Variants in FGF14 observed in about 807,000 individuals in gnomAD.
FGF14 encodes the protein fibroblast growth factor 14, also known as fibroblast growth factor homologous factor 4.
A neutral mutation model predicts 25.5 loss-of-function variants in FGF14; 5 were observed. That is an observed-to-expected ratio of 0.20 (90% CI 0.10 to 0.41). The LOEUF is 0.41. FGF14 is among the 10% of genes least tolerant of loss of function. The pLI, the probability that FGF14 is intolerant of heterozygous loss-of-function variation, is 1.00. For synonymous variants in FGF14, 138 were observed against 118.3 expected (o/e 1.17, Z -1.08); for missense variants, 222 against 320.1 (o/e 0.69, Z 2.34).
chr13:101,738,909 A>G (rs1333281403), intron 3 of FGF14, among the ~76,000 whole-genome samples: 1 of 147,174 alleles, frequency 6.8e-6, no homozygotes, highest in African/African-American at 2.5e-5. Flanking sequence ...GTATATACCA[A>G]TTGGTATATA....
chr13:101,993,586 G>A (rs1285227954), intron 1 of FGF14, among the ~76,000 whole-genome samples: 3 of 152,010 alleles, frequency 2.0e-5, no homozygotes, highest in African/African-American at 7.2e-5. Context: ...GGAAATACTC[G>A]AAGGGGCTTG....
At chr13:101,724,442 T>TG (rs2035227590) in intron 4 of FGF14, among the ~76,000 whole-genome samples, 1 of 125,118 alleles carries the variant, frequency 8.0e-6, no homozygotes, top group African/African-American at 3.1e-5. Context: ...GGGCCTGTTG[T>TG]GGGGTGGGGG....
At chr13:101,786,620 C>T (rs1202235555) in intron 3 of FGF14, among the ~76,000 whole-genome samples, 1 of 152,000 alleles carries the variant, frequency 6.6e-6, no homozygotes, top group Admixed American at 6.6e-5. Flanking sequence ...TGTAAGGACA[C>T]CAATCAAATT....
intron 1 of FGF14, among the ~76,000 whole-genome samples, chr13:102,086,070 G>C (rs2043881623): frequency 6.6e-6 from 1 of 152,178 alleles, no homozygotes; most frequent in Non-Finnish European, 1.5e-5. Flanking sequence ...CCCATGTAGG[G>C]ATTAATTAAC....
At chr13:101,847,885 A>G (rs2140344220) in intron 3 of FGF14, among the ~76,000 whole-genome samples, 1 of 152,176 alleles carries the variant, frequency 6.6e-6, no homozygotes, top group East Asian at 1.9e-4. Flanking sequence ...CAGAGCATGT[A>G]AAGTACAAAC....
chr13:102,048,751 T>G (rs962834462), intron 1 of FGF14, among the ~76,000 whole-genome samples: 1 of 152,206 alleles, frequency 6.6e-6, no homozygotes. Flanking sequence ...TGGAAACTTA[T>G]AGTAGCCAGA....
intron 1 of FGF14, among the ~76,000 whole-genome samples, chr13:101,937,588 T>TTTTG (rs143232373): frequency 0.11 from 16,105 of 151,846 alleles, 947 homozygotes; most frequent in East Asian, 0.19. Flanking sequence ...CATTGCTGTT[T>TTTTG]TTTGTTTGTT....
chr13:102,271,592 T>C (rs1360985), intron 1 of FGF14, among the ~76,000 whole-genome samples: 120,122 of 152,118 alleles, frequency 0.79, 48,319 homozygotes, highest in African/African-American at 0.95. Context: ...TCTATTTAGG[T>C]TCACTGGAGT....
At position 102,275,262 on chromosome 13, in the gene FGF14, T is replaced by TTCTCTCTCTCTCTCTC. The variant is rs56028235; in HGVS notation, c.208+126193_208+126208dup. Among the ~76,000 whole-genome samples, 53 of 68,914 alleles carry TTCTCTCTCTCTCTCTC rather than the reference T, an allele frequency of 7.7e-4. 1 individual carries two copies. The highest frequency in any genetic ancestry group is 2.4e-3 in the African/African-American group (48 of 19,834). The allele number at this position is 68,914 out of a possible 152,430, so 45.2% of individuals were successfully genotyped here. The stretch of plus-strand genomic sequence containing the variant: ...TCTCTCTCTCTCTCTCTCTCTCTCT[T>TTCTCTCTCTCTCTCTC]TCTCTCTCTCTCTCTCTCTCTCTCT... On this transcript the variant is annotated intron_variant, in intron 1 of 4. Coordinates refer to the FGF14 transcript ENST00000376131.
intron 1 of FGF14, among the ~76,000 whole-genome samples, chr13:102,176,413 C>T (rs1182653843): frequency 2.0e-5 from 3 of 151,860 alleles, no homozygotes; most frequent in East Asian, 1.9e-4. Flanking sequence ...ACTGGTAACT[C>T]CAAAGCTGAG....
At chr13:101,877,821 A>G (rs2045482015) in intron 1 of FGF14, among the ~76,000 whole-genome samples, 1 of 152,152 alleles carries the variant, frequency 6.6e-6, no homozygotes, top group African/African-American at 2.4e-5. Context: ...CACATTTCCA[A>G]TACATCTCTG....
intron 1 of FGF14, among the ~76,000 whole-genome samples, chr13:102,350,459 T>A (rs1015480977): frequency 1.1e-4 from 17 of 152,108 alleles, no homozygotes; most frequent in African/African-American, 4.1e-4. Flanking sequence ...TGAGCTCATG[T>A]GGAGCAAAGG....
At chr13:102,321,975 T>C (rs1566935867) in intron 1 of FGF14, among the ~76,000 whole-genome samples, 2 of 152,112 alleles carry the variant, frequency 1.3e-5, no homozygotes, top group South Asian at 4.1e-4. Context: ...GCCAGAGTGG[T>C]TTGACCCAGA....
At chr13:102,108,158 C>A (rs1033408363) in intron 1 of FGF14, among the ~76,000 whole-genome samples, 1 of 152,002 alleles carries the variant, frequency 6.6e-6, no homozygotes, top group Non-Finnish European at 1.5e-5. Context: ...TGAAAATGAT[C>A]AAAATTATCT....
intron 1 of FGF14, among the ~76,000 whole-genome samples, chr13:102,163,947 T>G (rs2047890480): frequency 1.3e-5 from 2 of 152,130 alleles, no homozygotes; most frequent in Admixed American, 1.3e-4. Context: ...AAACCTAACT[T>G]AAAAATCTGA....
At chr13:102,054,992 G>C (rs916530290) in intron 1 of FGF14, among the ~76,000 whole-genome samples, 10 of 152,100 alleles carry the variant, frequency 6.6e-5, no homozygotes, top group African/African-American at 2.4e-4. Flanking sequence ...AGGTATCCAT[G>C]TCTCACATTC....
At position 102,325,962 on chromosome 13, in the gene FGF14, A is replaced by G. The variant is rs142086720; in HGVS notation, c.208+75509T>C. On this transcript the variant is annotated intron_variant, in intron 1 of 4. Transcript: ENST00000376131. ...TTTTTTCATACTTGCTCCAATGGAC[A>G]TAGGTGATGCTTAAAAGCAAAACCA... Among the ~76,000 whole-genome samples, 523 of 152,348 alleles carry G rather than the reference A, an allele frequency of 3.4e-3. 1 individual carries two copies. Among genetic ancestry groups the G allele is most frequent in the African/African-American group, 0.012 (491 of 41,584 alleles).
chr13:102,345,438 A>G (rs147477015), intron 1 of FGF14, among the ~76,000 whole-genome samples: 1 of 152,342 alleles, frequency 6.6e-6, no homozygotes, highest in East Asian at 1.9e-4. Context: ...GAAAACAAAT[A>G]AAGCAAATAA....
chr13:101,993,867 A>G (rs958000494), intron 1 of FGF14, among the ~76,000 whole-genome samples: 2 of 152,004 alleles, frequency 1.3e-5, no homozygotes, highest in African/African-American at 2.4e-5. Flanking sequence ...ACATGTACAC[A>G]TATGTAACAA....
Sources: gnomAD v4.1 joint callset for allele counts (sites outside exome capture counted in the v4.1 genomes callset) on GRCh38, gnomAD v4.1.1 for gene constraint, MANE v1.5 for transcripts, NCBI Gene and HGNC (gene_info 2026-07-23, HGNC 2026-07-21) for gene names.